Variants in HERC1 observed in about 807,000 individuals in gnomAD.
HERC1 encodes probable E3 ubiquitin-protein ligase HERC1.
Under a neutral mutation model 554.3 loss-of-function variants are expected in HERC1, and 160 were observed. That is an observed-to-expected ratio of 0.29 (90% CI 0.25 to 0.33). The LOEUF (loss-of-function observed/expected upper bound fraction) is 0.33. HERC1 is among the 10% of genes least tolerant of loss of function. HERC1 has a pLI of 1.00. For synonymous variants in HERC1, 2,175 were observed against 2,131.7 expected, an observed-to-expected ratio of 1.02 and a Z score of -0.56; for missense variants, 4,919 against 5,918.5, an observed-to-expected ratio of 0.83 and a Z score of 5.54.
intron 15 of HERC1, 38 bp from the exon 16 acceptor site, chr15:63,729,406 A>C: frequency 1.9e-6 from 3 of 1,591,866 alleles, no homozygotes; most frequent in South Asian, 2.3e-5. Flanking sequence ...CTACTTTGAA[A>C]GATTCAAGGT....
Position 63,666,027 on chromosome 15 carries a change from G to A in HERC1, c.8447C>T (p.Ala2816Val). Residue 2816 changes from alanine to valine, a missense_variant, in exon 42 of 78, where the codon GCA (alanine) becomes GTA (valine). By Grantham distance (64) the Ala-to-Val change is moderately conservative. Around this residue, in one of 11 missense-constraint regions of HERC1, gnomAD observed 1,963 missense variants for 2,228.6 expected, o/e 0.88. Coordinates refer to ENST00000443617, the MANE Select transcript of HERC1 (RefSeq NM_003922.4). The part of the protein sequence containing the change: ...SGSTADSRPG[A>V]AVLGSGGKSN... ...CTTCCCGCCACTGCCTAGAACGGCTGCTCCAGGCCTAGAGTCTGCTGTGCT... is the reference window on the plus strand; with the variant it reads ...CTTCCCGCCACTGCCTAGAACGGCTACTCCAGGCCTAGAGTCTGCTGTGCT... 6.2e-7 allele frequency: 1 copy of A among 1,614,030 alleles called. No individual in the cohort carries two copies. Among genetic ancestry groups the A allele is most frequent in the Admixed American group, 1.7e-5 (1 of 60,030 alleles).
intron 64 of HERC1, 26 bp downstream of exon 64, chr15:63,637,479 C>T: frequency 6.4e-7 from 1 of 1,555,934 alleles, no homozygotes; most frequent in South Asian, 1.2e-5. Context: ...AGGTTCTAAC[C>T]ATCTTTTTAT....
At position 63,654,219 on chromosome 15, in the gene HERC1, G is replaced by A; in HGVS notation, c.10190C>T (p.Ala3397Val). Reference protein sequence around the residue: ...AAQQLVRTLAAHDRDNQTTLQ... With the variant: ...AAQQLVRTLAVHDRDNQTTLQ... ...AGTAGTTTGGTTGTCACGGTCGTGT[G>A]CAGCAAGAGTGCGCACGAGTTGCTG... Residue 3397 changes from alanine to valine, a missense_variant, in exon 51 of 78, where the codon GCA (alanine) becomes GTA (valine). Physicochemically the swap from Ala to Val is moderately conservative, Grantham distance 64. This residue lies in a region of HERC1 where 1,963 missense variants were observed against 2,228.6 expected (regional missense o/e 0.88). Transcript: ENST00000443617. 6.2e-7 allele frequency: 1 copy of A among 1,614,020 alleles called. No individual in the cohort carries two copies. Among genetic ancestry groups the A allele is most frequent in the Non-Finnish European group, 8.5e-7 (1 of 1,179,870 alleles).
In HERC1 at chr15:63,747,002, G is replaced by C; in HGVS notation, c.2436C>G (p.Thr812=). 1 of 1,579,354 alleles carries C rather than the reference G, an allele frequency of 6.3e-7. No individual in the cohort carries two copies. The highest frequency in any genetic ancestry group is 8.6e-7 in the Non-Finnish European group (1 of 1,162,738). ...LALALAGGVA[T]SILGRQAGPL... Reference sequence around the variant, plus strand: ...GACCTGCCTGCCTCCCGAGAATGCTGGTAGCTACCCCTCCCGCAAGTGCAA... The same window carrying C: ...GACCTGCCTGCCTCCCGAGAATGCTCGTAGCTACCCCTCCCGCAAGTGCAA... The change falls in exon 12 of 78, where the codon ACC becomes ACG. Residue 812 remains threonine (T), a synonymous_variant. Coordinates refer to ENST00000443617, the MANE Select transcript of HERC1 (RefSeq NM_003922.4).
Position 63,698,879 on chromosome 15 carries a change from G to T in HERC1, c.4754C>A (p.Ser1585Tyr). The T allele has an allele frequency of 6.2e-7, 1 of 1,613,938 alleles. No homozygotes were observed. The highest frequency in any genetic ancestry group is 8.5e-7 in the Non-Finnish European group (1 of 1,179,876). Residue 1585 changes from serine (S) to tyrosine (Y), a missense_variant, in exon 26 of 78, where the codon TCT (serine) becomes TAT (tyrosine). Around this residue, in one of 11 missense-constraint regions of HERC1, gnomAD observed 1,121 missense variants for 1,244.0 expected, o/e 0.90. Coordinates refer to ENST00000443617, the MANE Select transcript of HERC1 (RefSeq NM_003922.4). ...SFESDFDLTK[S>Y]LGVHTLIENV... ...TTCAATCAAAGTGTGAACTCCCAAA[G>T]ACTTGGTAAGATCAAAATCTGACTC...
intron 1 of HERC1, among the ~76,000 whole-genome samples, chr15:63,777,808 C>T (rs1372133930): frequency 6.6e-6 from 1 of 152,134 alleles, no homozygotes; most frequent in Non-Finnish European, 1.5e-5. Flanking sequence ...ATCACCTATA[C>T]AAAACCACCT....
Position 63,677,280 on chromosome 15 carries a change from T to C in HERC1, c.7070+565A>G, listed in dbSNP as rs2071260798. On this transcript the variant is annotated intron_variant, in intron 37 of 77. Transcript: ENST00000443617. This position sits in a 1 kb window ranked among gnomAD's most constrained non-coding sequence, Gnocchi z 4.4. ...CTCTCTGAATTCAAACACACCTAAATGCTTTTAAATACCCAGTTTGTGTTA... is the reference window on the plus strand; with the variant it reads ...CTCTCTGAATTCAAACACACCTAAACGCTTTTAAATACCCAGTTTGTGTTA... 6.6e-6 allele frequency among the ~76,000 whole-genome samples: 1 copy of C among 152,236 alleles called. No individual in the cohort carries two copies. Among genetic ancestry groups the C allele is most frequent in the Non-Finnish European group, 1.5e-5 (1 of 68,028 alleles).
chr15:63,818,625 T>C (rs1250349651), intron 1 of HERC1, among the ~76,000 whole-genome samples: 2 of 152,262 alleles, frequency 1.3e-5, no homozygotes. Context: ...ATTTTATTCC[T>C]TTATATGGCG....
Position 63,764,128 on chromosome 15 carries a change from G to T in HERC1, c.994C>A (p.Leu332Ile). ...AAGAGACATAATGCTGCCTCGTAAA[G>T]GGAGCACAAGCCATCCGATGTTCTG... The part of the protein sequence containing the change: ...PTRTSDGLCS[L>I]YEAALCLFEE... Residue 332 changes from leucine to isoleucine, a missense_variant, in exon 3 of 78, where the codon CTT becomes ATT. Coordinates refer to ENST00000443617, the MANE Select transcript of HERC1 (RefSeq NM_003922.4). The T allele has an allele frequency of 6.2e-7, 1 of 1,610,480 alleles. No individual in the cohort carries two copies. Among genetic ancestry groups the T allele is most frequent in the East Asian group, 2.2e-5 (1 of 44,834 alleles).
At chr15:63,715,385 A>G (rs1354741178) in intron 22 of HERC1, among the ~76,000 whole-genome samples, 1 of 152,242 alleles carries the variant, frequency 6.6e-6, no homozygotes, top group Non-Finnish European at 1.5e-5. Context: ...TTTCTAAACT[A>G]AATTTATATT....
Position 63,635,595 on chromosome 15 carries a change from C to T in HERC1, c.12414+366G>A, listed in dbSNP as rs918613943. On this transcript the variant is annotated intron_variant, in intron 65 of 77. Transcript: ENST00000443617. ...TTCCAGAAAATGCATGTTAACTTAG[C>T]TTTTGTAACATAAATGATAGGTTAA... 7.9e-5 allele frequency among the ~76,000 whole-genome samples: 12 copies of T among 152,178 alleles called. No homozygotes were observed. The South Asian group carries it at 1.2e-3, about 16-fold the overall frequency.
chr15:63,636,077 T>A lies in HERC1; in HGVS notation c.12298A>T (p.Ser4100Cys). Residue 4100 changes from serine to cysteine, a missense_variant, in exon 65 of 78, where the codon AGT (serine) becomes TGT (cysteine). Ser to Cys is a moderately radical substitution (Grantham distance 112). Transcript: ENST00000443617. Reference protein sequence around the residue: ...SDGHSMALTESGEVFSWGDGD... With the variant: ...SDGHSMALTECGEVFSWGDGD... ...TCTCCCCAGCTAAAGACCTCACCACTTTCAGTTAGGGCCATAGAGTGCCCA... is the reference window on the plus strand; with the variant it reads ...TCTCCCCAGCTAAAGACCTCACCACATTCAGTTAGGGCCATAGAGTGCCCA... 1 of 1,613,674 alleles carries A rather than the reference T, an allele frequency of 6.2e-7. No homozygotes were observed.
At position 63,734,302 on chromosome 15, in the gene HERC1, T is replaced by C. The variant is rs749114422; in HGVS notation, c.2646+422A>G. The stretch of plus-strand genomic sequence containing the variant: ...TTGAGCAAAATGTACTATTTTAAGG[T>C]ATATAAGATAAAAATGGAAAGAAAA... On this transcript the variant is annotated intron_variant, in intron 13 of 77. Coordinates refer to ENST00000443617, the MANE Select transcript of HERC1 (RefSeq NM_003922.4). This position sits in a 1 kb window ranked among gnomAD's most constrained non-coding sequence, Gnocchi z 4.6. 2.6e-5 allele frequency among the ~76,000 whole-genome samples: 4 copies of C among 152,190 alleles called. No homozygotes were observed. Among genetic ancestry groups the C allele is most frequent in the Non-Finnish European group, 4.4e-5 (3 of 68,038 alleles).
At chr15:63,685,055 C>T (rs2071677403) in intron 34 of HERC1, among the ~76,000 whole-genome samples, 1 of 152,160 alleles carries the variant, frequency 6.6e-6, no homozygotes, top group Admixed American at 6.5e-5. Context: ...TTGAAAGCTG[C>T]TGTGAGCACT....
chr15:63,755,140 G>T, intron 6 of HERC1, 89 bp downstream of exon 6: 1 of 822,266 alleles, frequency 1.2e-6, no homozygotes, highest in Non-Finnish European at 2.0e-6. Context: ...GACAGTCTTT[G>T]GCCTAGTAAA....
intron 8 of HERC1, among the ~76,000 whole-genome samples, chr15:63,750,583 TTGCAA>T (rs2075203894): frequency 6.6e-6 from 1 of 152,200 alleles, no homozygotes; most frequent in Non-Finnish European, 1.5e-5. Context: ...TGTTTTTGTC[TTGCAA>T]TTATTTTAGG....
chr15:63,738,747 T>C (rs566344031), intron 12 of HERC1, among the ~76,000 whole-genome samples: 1 of 152,320 alleles, frequency 6.6e-6, no homozygotes, highest in African/African-American at 2.4e-5. Context: ...TATCTCCAAG[T>C]ATTCTTCTAA....
At chr15:63,810,772 A>T (rs924440592) in intron 1 of HERC1, among the ~76,000 whole-genome samples, 1 of 152,248 alleles carries the variant, frequency 6.6e-6, no homozygotes, top group Non-Finnish European at 1.5e-5. Context: ...AAAAAAGTGT[A>T]CATTTGCAAA....
intron 2 of HERC1, among the ~76,000 whole-genome samples, chr15:63,767,614 C>T (rs1268156632): frequency 6.6e-6 from 1 of 152,086 alleles, no homozygotes; most frequent in African/African-American, 2.4e-5. Flanking sequence ...AGGAGAATCA[C>T]TTGAACCCAG....
Sources: gnomAD v4.1 joint callset for allele counts (sites outside exome capture counted in the v4.1 genomes callset) on GRCh38, gnomAD v4.1.1 for gene constraint, gnomAD v4.1.1 regional missense constraint, Gnocchi (gnomAD v3.1) non-coding constraint, MANE v1.5 for transcripts, NCBI Gene and HGNC (gene_info 2026-07-23, HGNC 2026-07-21) for gene names.